The following NRG1 variants were observed in gnomAD, a reference collection of about 807,000 sequenced individuals.
The protein encoded by NRG1 is pro-neuregulin-1, membrane-bound isoform.
Under a neutral mutation model 63.8 loss-of-function variants are expected in NRG1, and 18 were observed. The ratio of observed to expected loss-of-function variants is 0.28; its 90% CI spans 0.19 to 0.42. The LOEUF is 0.42. NRG1 is among the 10% of genes least tolerant of loss of function. The pLI is 1.00. For missense variants in NRG1, 762 were observed against 814.7 expected, an observed-to-expected ratio of 0.94 and a Z score of 0.79; for synonymous variants, 302 against 301.3, an observed-to-expected ratio of 1.00 and a Z score of -0.02.
intron 1 of NRG1, among the ~76,000 whole-genome samples, chr8:32,553,688 T>A (rs1834574239): frequency 6.6e-6 from 1 of 152,152 alleles, no homozygotes; most frequent in Admixed American, 6.5e-5. Context: ...TAATCTTCTC[T>A]TTTGGGACTC....
At chr8:32,497,310 G>A (rs956216640) in intron 1 of NRG1, among the ~76,000 whole-genome samples, 1 of 151,984 alleles carries the variant, frequency 6.6e-6, no homozygotes, top group African/African-American at 2.4e-5. Flanking sequence ...AGCTGGGCAT[G>A]GTGGCAGGCA....
chr8:32,734,655 C>G (rs1042018827), intron 6 of NRG1, among the ~76,000 whole-genome samples: 1 of 152,154 alleles, frequency 6.6e-6, no homozygotes, highest in Non-Finnish European at 1.5e-5. Context: ...CTTTCATGTC[C>G]TCATATATCT....
chr8:32,101,481 T>C (rs757810937), intron 1 of NRG1, among the ~76,000 whole-genome samples: 1 of 37,470 alleles, frequency 2.7e-5, no homozygotes, highest in African/African-American at 8.0e-5. Context: ...AAAGCAGATT[T>C]TTTTTTTTTT....
chr8:32,723,619 G>A (rs1053945595), intron 5 of NRG1, among the ~76,000 whole-genome samples: 16 of 147,744 alleles, frequency 1.1e-4, no homozygotes, highest in Non-Finnish European at 2.2e-4. Flanking sequence ...GAACCTGGGA[G>A]GCAGAGGTTG....
At chr8:32,648,426 A>G in intron 5 of NRG1, 1 of 1,594,756 alleles carries the variant, frequency 6.3e-7, no homozygotes, top group Non-Finnish European at 8.6e-7. Context: ...ATGATGAATA[A>G]AAGGGGTGGG....
chr8:32,591,714 AT>A (rs1229366115), intron 1 of NRG1, among the ~76,000 whole-genome samples: 3 of 152,200 alleles, frequency 2.0e-5, no homozygotes, highest in Non-Finnish European at 4.4e-5. Flanking sequence ...ATTTACAAGA[AT>A]TTCTTTCATG....
At chr8:32,600,947 T>A (rs73588621) in intron 2 of NRG1, among the ~76,000 whole-genome samples, 1,629 of 152,120 alleles carry the variant, frequency 0.011, 11 homozygotes, top group Middle Eastern at 0.048. Flanking sequence ...ATAGACAGAG[T>A]ATGGTATCTT....
At chr8:32,581,735 A>G (rs185873565) in intron 1 of NRG1, among the ~76,000 whole-genome samples, 22 of 152,368 alleles carry the variant, frequency 1.4e-4, no homozygotes, top group African/African-American at 5.0e-4. Flanking sequence ...TTTAGAAGAA[A>G]TAATTTTTGA....
At chr8:32,017,691 A>G (rs1461759514) in intron 1 of NRG1, among the ~76,000 whole-genome samples, 2 of 152,202 alleles carry the variant, frequency 1.3e-5, no homozygotes, top group African/African-American at 4.8e-5. Context: ...GTTTGTTGTA[A>G]AGGATATTAC....
At chr8:31,668,398 A>G (rs1303884388) in intron 1 of NRG1, among the ~76,000 whole-genome samples, 2 of 152,150 alleles carry the variant, frequency 1.3e-5, no homozygotes, top group Admixed American at 6.5e-5. Flanking sequence ...ATCCCCCCAG[A>G]TGTTTTTCCA....
intron 5 of NRG1, among the ~76,000 whole-genome samples, chr8:32,669,873 T>G (rs766391550): frequency 3.3e-5 from 5 of 152,184 alleles, no homozygotes; most frequent in African/African-American, 1.2e-4. Context: ...TAAAGAACAT[T>G]GGACTAGTGA....
At chr8:32,056,007 T>C (rs1242962941) in intron 1 of NRG1, among the ~76,000 whole-genome samples, 7 of 152,298 alleles carry the variant, frequency 4.6e-5, no homozygotes, top group Non-Finnish European at 5.9e-5. Context: ...GCAATATAGC[T>C]GTTAAATAGG....
chr8:32,011,848 A>ATT (rs1321793570), intron 1 of NRG1, among the ~76,000 whole-genome samples: 2 of 152,082 alleles, frequency 1.3e-5, no homozygotes, highest in African/African-American at 4.8e-5. Context: ...TCACTATTTT[A>ATT]TTCATAGTTT....
intron 1 of NRG1, among the ~76,000 whole-genome samples, chr8:31,784,490 A>C (rs1819992123): frequency 6.6e-6 from 1 of 152,210 alleles, no homozygotes; most frequent in Non-Finnish European, 1.5e-5. Flanking sequence ...TGTGCTTCTG[A>C]GAATTTGCCG....
At chr8:32,150,752 C>T (rs1242531568) in intron 1 of NRG1, among the ~76,000 whole-genome samples, 3 of 152,058 alleles carry the variant, frequency 2.0e-5, no homozygotes, top group African/African-American at 4.8e-5. Context: ...TAAAGGACCT[C>T]GACCTTCACT....
rs1843655361 is a variant in NRG1, at chr8:32,597,966, T to C, written c.278+1961T>C. On this transcript the variant is annotated intron_variant, in intron 2 of 11. Coordinates refer to ENST00000356819, the Ensembl canonical transcript of NRG1. Reference sequence around the variant, plus strand: ...TTTTGGATGGAATGGATTTTGGTGTTTGCTTTTCATCAGACAAGTTAGTAA... The same window carrying C: ...TTTTGGATGGAATGGATTTTGGTGTCTGCTTTTCATCAGACAAGTTAGTAA... 3.9e-5 allele frequency among the ~76,000 whole-genome samples: 6 copies of C among 152,298 alleles called. No homozygotes were observed. The South Asian group carries it at 1.2e-3, about 32-fold the overall frequency.
chr8:32,554,752 T>G (rs1311025253), intron 1 of NRG1, among the ~76,000 whole-genome samples: 2 of 152,250 alleles, frequency 1.3e-5, no homozygotes, highest in African/African-American at 4.8e-5. Context: ...AAAGTGCATT[T>G]TTCAGTCCAA....
At chr8:32,542,318 G>A (rs1832654287) in intron 1 of NRG1, among the ~76,000 whole-genome samples, 1 of 152,138 alleles carries the variant, frequency 6.6e-6, no homozygotes, top group Non-Finnish European at 1.5e-5. Context: ...TTTAACAGAA[G>A]TTATATCAAG....
intron 1 of NRG1, among the ~76,000 whole-genome samples, chr8:31,758,625 G>T (rs1288260134): frequency 6.6e-6 from 1 of 152,214 alleles, no homozygotes; most frequent in East Asian, 1.9e-4. Context: ...GATTTATCTG[G>T]GTTGTTACAT....
Sources: gnomAD v4.1 joint callset for allele counts (sites outside exome capture counted in the v4.1 genomes callset) on GRCh38, gnomAD v4.1.1 for gene constraint, MANE v1.5 for transcripts, NCBI Gene and HGNC (gene_info 2026-07-23, HGNC 2026-07-21) for gene names.